Variants in SLCO5A1 observed in about 807,000 individuals in gnomAD.
SLCO5A1 encodes the protein solute carrier organic anion transporter family member 5A1, also known as organic anion transporter polypeptide-related protein 4.
SLCO5A1 carries 39 observed loss-of-function variants against 65.1 expected under a neutral mutation model. That is an observed-to-expected ratio of 0.60 (90% confidence interval 0.46 to 0.78). The LOEUF (loss-of-function observed/expected upper bound fraction) is 0.78, where lower values mean the gene tolerates loss of function less well. SLCO5A1 is among the 30% of genes least tolerant of loss of function. The pLI is 0.00. For synonymous variants in SLCO5A1, 438 were observed against 415.7 expected (o/e 1.05, Z -0.65); for missense variants, 1,029 against 1,069.4 (o/e 0.96, Z 0.53).
intron 2 of SLCO5A1, among the ~76,000 whole-genome samples, chr8:69,807,024 G>A (rs1379582880): frequency 2.0e-5 from 3 of 152,094 alleles, no homozygotes; most frequent in East Asian, 3.8e-4. Flanking sequence ...AAAAGAGCTC[G>A]ATTAGCCAAG....
rs186456784 is a variant in SLCO5A1, at chr8:69,685,937, G to T, written c.1623-3594C>A. The stretch of plus-strand genomic sequence containing the variant: ...ATAATTCAAACACTTTCTGCTATAG[G>T]GTCATTACAGCTAAGTATGTAAGAA... On this transcript the variant is annotated intron_variant, in intron 6 of 9. Transcript: ENST00000260126. Among the ~76,000 whole-genome samples, 14 of 151,304 alleles carry T rather than the reference G, an allele frequency of 9.3e-5. No individual in the cohort carries two copies. The East Asian group carries it at 2.1e-3, about 23-fold the overall frequency.
intron 2 of SLCO5A1, among the ~76,000 whole-genome samples, chr8:69,766,517 G>A (rs1226079390): frequency 2.0e-5 from 3 of 152,114 alleles, no homozygotes; most frequent in African/African-American, 7.2e-5. Context: ...GTTTGTGTGT[G>A]TGTGTGTATG....
intron 4 of SLCO5A1, among the ~76,000 whole-genome samples, chr8:69,740,489 G>GAAGAT (rs1816748837): frequency 6.6e-6 from 1 of 152,164 alleles, no homozygotes; most frequent in Non-Finnish European, 1.5e-5. Flanking sequence ...TAGATTAGAA[G>GAAGAT]AAGATAGATA....
intron 1 of SLCO5A1, among the ~76,000 whole-genome samples, 171 bp downstream of exon 1, chr8:69,834,683 G>A (rs1445409411): frequency 6.6e-6 from 1 of 151,722 alleles, no homozygotes; most frequent in Non-Finnish European, 1.5e-5. Context: ...CTTGGAGCAG[G>A]CGTGGAATCC....
chr8:69,721,037 A>C (rs1401083648), intron 5 of SLCO5A1, among the ~76,000 whole-genome samples: 1 of 152,248 alleles, frequency 6.6e-6, no homozygotes, highest in African/African-American at 2.4e-5. Flanking sequence ...TGCTTGGAAT[A>C]GACTACATTT....
chr8:69,681,367 G>T (rs540032151), intron 7 of SLCO5A1, among the ~76,000 whole-genome samples: 2 of 152,298 alleles, frequency 1.3e-5, no homozygotes, highest in South Asian at 4.1e-4. Flanking sequence ...GCCAAGGCAG[G>T]CAGATCACCT....
intron 5 of SLCO5A1, among the ~76,000 whole-genome samples, chr8:69,737,019 A>T (rs1563692047): frequency 6.6e-6 from 1 of 152,240 alleles, no homozygotes; most frequent in Non-Finnish European, 1.5e-5. Flanking sequence ...ACCAAGATCA[A>T]GAAAAACATA....
intron 2 of SLCO5A1, among the ~76,000 whole-genome samples, chr8:69,806,038 C>A (rs1819976545): frequency 6.6e-6 from 1 of 152,160 alleles, no homozygotes; most frequent in Admixed American, 6.5e-5. Flanking sequence ...GATTCTAGAG[C>A]CTGACCACAG....
chr8:69,689,741 G>T (rs1247758152), intron 6 of SLCO5A1, among the ~76,000 whole-genome samples: 1 of 140,832 alleles, frequency 7.1e-6, no homozygotes, highest in East Asian at 1.9e-4. Flanking sequence ...GGTTACTGTA[G>T]GCTTGTAGTA....
chr8:69,798,956 C>T (rs1586813113), intron 2 of SLCO5A1, among the ~76,000 whole-genome samples: 1 of 152,196 alleles, frequency 6.6e-6, no homozygotes, highest in African/African-American at 2.4e-5. Context: ...TGAAATGTTA[C>T]TTGCTTGTCT....
intron 6 of SLCO5A1, among the ~76,000 whole-genome samples, chr8:69,694,792 C>A (rs984532610): frequency 1.3e-5 from 2 of 152,206 alleles, no homozygotes; most frequent in African/African-American, 4.8e-5. Context: ...TATAAAGTTC[C>A]TTTAAAGTCA....
chr8:69,726,957 T>C (rs1364791999), intron 5 of SLCO5A1, among the ~76,000 whole-genome samples: 3 of 152,250 alleles, frequency 2.0e-5, no homozygotes, highest in Non-Finnish European at 4.4e-5. Flanking sequence ...TACTAATAAA[T>C]GTGCAATACA....
intron 6 of SLCO5A1, among the ~76,000 whole-genome samples, chr8:69,691,974 C>A (rs775643472): frequency 1.1e-4 from 17 of 152,180 alleles, no homozygotes; most frequent in Non-Finnish European, 4.4e-5. Flanking sequence ...TAAGGCCGGA[C>A]GCGGTGGCTC....
chr8:69,708,304 T>C (rs184609373), intron 5 of SLCO5A1, among the ~76,000 whole-genome samples: 2 of 152,328 alleles, frequency 1.3e-5, no homozygotes, highest in Admixed American at 6.5e-5. Context: ...TGCCTCGTCA[T>C]GGAGATGTCT....
intron 4 of SLCO5A1, among the ~76,000 whole-genome samples, chr8:69,753,424 T>C (rs1262914967): frequency 6.6e-6 from 1 of 152,160 alleles, no homozygotes; most frequent in Non-Finnish European, 1.5e-5. Context: ...GTAAATGATT[T>C]CAGTCCTGGC....
chr8:69,758,977 ACTCCCTGAG>A (rs1817642335), intron 3 of SLCO5A1, among the ~76,000 whole-genome samples: 1 of 152,012 alleles, frequency 6.6e-6, no homozygotes, highest in South Asian at 2.1e-4. Flanking sequence ...AAATTATTGA[ACTCCCTGAG>A]CATCAATTTC....
chr8:69,810,811 C>A (rs1000519887), intron 2 of SLCO5A1, among the ~76,000 whole-genome samples: 1 of 152,176 alleles, frequency 6.6e-6, no homozygotes, highest in Admixed American at 6.5e-5. Context: ...TCAGCTGCAG[C>A]AAGATTGGGT....
chr8:69,816,549 C>CA (rs1374512457), intron 2 of SLCO5A1, among the ~76,000 whole-genome samples: 1 of 152,168 alleles, frequency 6.6e-6, no homozygotes, highest in Non-Finnish European at 1.5e-5. Flanking sequence ...GAGCACCCAA[C>CA]ACAGCAGAAC....
chr8:69,697,846 C>CTTGT (rs1050574061), intron 6 of SLCO5A1, among the ~76,000 whole-genome samples: 1 of 151,824 alleles, frequency 6.6e-6, no homozygotes, highest in African/African-American at 2.4e-5. Context: ...TTTATTTTTA[C>CTTGT]TTGTTTGTTT....
Sources: allele counts gnomAD v4.1 joint callset (sites outside exome capture counted in the v4.1 genomes callset), GRCh38; gene constraint gnomAD v4.1.1; transcripts MANE v1.5; gene names NCBI Gene and HGNC (gene_info 2026-07-23, HGNC 2026-07-21).